Variants in TMEM255B observed in about 807,000 individuals in gnomAD.
TMEM255B encodes family with sequence similarity 70, member B.
In TMEM255B, 35 loss-of-function variants were observed where a neutral mutation model predicts 34.5. The ratio of observed to expected loss-of-function variants is 1.01; its 90% CI spans 0.77 to 1.34. The LOEUF (loss-of-function observed/expected upper bound fraction) is 1.34. TMEM255B is among the 40% of genes most tolerant of loss of function. The pLI is 0.00. For missense variants in TMEM255B, 432 were observed against 433.2 expected, an observed-to-expected ratio of 1.00 and a Z score of 0.02; for synonymous variants, 206 against 201.2, an observed-to-expected ratio of 1.02 and a Z score of -0.20.
intron 3 of TMEM255B, among the ~76,000 whole-genome samples, chr13:113,784,525 A>G (rs1039258391): frequency 1.3e-4 from 19 of 151,824 alleles, no homozygotes; most frequent in Non-Finnish European, 2.5e-4. Flanking sequence ...GAGAGAGAGA[A>G]GGATATGAAG....
At chr13:113,803,260 C>T (rs1439500398) in intron 7 of TMEM255B, 2 of 148,190 alleles carry the variant, frequency 1.3e-5, no homozygotes, top group Admixed American at 1.3e-4. Context: ...AAGTCTTCCT[C>T]GAACCCAAAG....
intron 3 of TMEM255B, among the ~76,000 whole-genome samples, chr13:113,783,829 C>T (rs949500293): frequency 2.0e-5 from 3 of 152,012 alleles, no homozygotes; most frequent in African/African-American, 7.3e-5. Context: ...GGGGGTTCAT[C>T]TGCAGGGTCA....
intron 3 of TMEM255B, among the ~76,000 whole-genome samples, chr13:113,781,850 C>T (rs1360613938): frequency 6.6e-6 from 1 of 152,182 alleles, no homozygotes; most frequent in Admixed American, 6.5e-5. Flanking sequence ...CCTAAACATC[C>T]CTGTCTTCAA....
At chr13:113,771,415 C>T (rs2050475861) in intron 3 of TMEM255B, among the ~76,000 whole-genome samples, 1 of 152,194 alleles carries the variant, frequency 6.6e-6, no homozygotes, top group African/African-American at 2.4e-5. Context: ...GACACGGTGG[C>T]TCATGCCTGT....
chr13:113,801,653 C>A lies in TMEM255B; in HGVS notation c.510C>A (p.Ser170Arg), dbSNP rs147473310. Residue 170 changes from serine (S) to arginine (R), a missense_variant and splice_region_variant, in exon 7 of 9, where the codon AGC becomes AGA. Physicochemically the swap from Ser to Arg is moderately radical, Grantham distance 110. Coordinates refer to ENST00000375353, the MANE Select transcript of TMEM255B (RefSeq NM_182614.4). The stretch of plus-strand genomic sequence containing the variant: ...ACGCCATGGTGCCCTCTCTGTGCAG[C>A]GCAGAGCCCTCGCCCGCCTACTATG... ...CYCCDLYACG[S>R]AEPSPAYYEF... 12 of 1,604,972 alleles carry A rather than the reference C, an allele frequency of 7.5e-6. No individual in the cohort carries two copies. The East Asian group carries it at 2.5e-4, about 33-fold the overall frequency.
rs1397598240 is a variant in TMEM255B at position 113,795,475 on chromosome 13, AACAGAGC to A, written c.342+249_342+255del. Among the ~76,000 whole-genome samples, 10 of 149,544 alleles carry A rather than the reference AACAGAGC, an allele frequency of 6.7e-5. No individual in the cohort carries two copies. The East Asian group carries it at 1.8e-3, about 27-fold the overall frequency. On this transcript the variant is annotated intron_variant, in intron 4 of 8. Transcript: ENST00000375353. ...ACACAGAGCACACAGCACACACCAC[AACAGAGC>A]ACAGAGCACACACACCACAACAGAG...
At chr13:113,779,314 G>T (rs779160082) in intron 3 of TMEM255B, among the ~76,000 whole-genome samples, 5 of 152,202 alleles carry the variant, frequency 3.3e-5, no homozygotes, top group South Asian at 2.1e-4. Flanking sequence ...TGAAAAGGAC[G>T]AGGGGTGATG....
intron 1 of TMEM255B, among the ~76,000 whole-genome samples, chr13:113,764,419 C>G (rs1594614550): frequency 6.6e-6 from 1 of 152,224 alleles, no homozygotes; most frequent in African/African-American, 2.4e-5. Flanking sequence ...GGATTGCTCC[C>G]TGGCCCGCAC....
intron 7 of TMEM255B, chr13:113,802,977 G>A (rs958039720): frequency 6.7e-6 from 1 of 148,330 alleles, no homozygotes; most frequent in African/African-American, 2.5e-5. Context: ...GGCGCCTTTG[G>A]CGTCTCCTCG....
intron 3 of TMEM255B, among the ~76,000 whole-genome samples, chr13:113,788,701 C>T (rs939020909): frequency 1.3e-5 from 2 of 152,082 alleles, no homozygotes; most frequent in African/African-American, 2.4e-5. Context: ...ACCGTGTGGC[C>T]GCCCTCCACC....
intron 5 of TMEM255B, among the ~76,000 whole-genome samples, chr13:113,800,528 C>G (rs1345144048): frequency 6.6e-6 from 1 of 152,102 alleles, no homozygotes; most frequent in Non-Finnish European, 1.5e-5. Context: ...TGTCCTTCTG[C>G]CCACGCACCC....
In TMEM255B at chr13:113,800,857, C is replaced by T. The variant is rs1276677815; in HGVS notation, c.454C>T (p.Gln152Ter). The change falls in exon 6 of 9, where the codon CAG becomes TAG. Residue 152 changes from glutamine (Q) to a stop codon, truncating the protein, a stop_gained. Transcript: ENST00000375353. LOFTEE classifies it high-confidence loss of function. ...VTCHSLDGKCQLKVRSNTCYC... is the reference protein window; with the variant it reads ...VTCHSLDGKC The stretch of plus-strand genomic sequence containing the variant: ...CTGTCACTCCCTGGACGGCAAGTGC[C>T]AGCTGAAGGTGAGAAGCAACACCTG... 2 of 1,610,582 alleles carry T rather than the reference C, an allele frequency of 1.2e-6. No individual in the cohort carries two copies. The highest frequency in any genetic ancestry group is 1.7e-5 in the Admixed American group (1 of 59,696).
At chr13:113,772,913 A>C (rs1325479398) in intron 3 of TMEM255B, among the ~76,000 whole-genome samples, 1 of 152,176 alleles carries the variant, frequency 6.6e-6, no homozygotes, top group Non-Finnish European at 1.5e-5. Context: ...GAATTTTAGA[A>C]TCAACTGGTC....
rs571306502 is a variant in TMEM255B, at chr13:113,766,007, A to G, written c.47-108A>G. 124 of 1,436,942 alleles carry G rather than the reference A, an allele frequency of 8.6e-5. 1 individual carries two copies. The South Asian group carries it at 1.4e-3, about 16-fold the overall frequency. 89.0% of individuals were successfully genotyped at this position (1,436,942 alleles called of 1,614,324 possible). On this transcript the variant is annotated intron_variant, in intron 1 of 8. Transcript: ENST00000375353. ...GGTGGGCCTGGAGGCAGGCGGGGAT[A>G]GTGCATCCCAGGACCCCTGGGTAAC... is the stretch of plus-strand genomic sequence containing the variant.
chr13:113,793,775 G>T (rs775464296), intron 3 of TMEM255B, among the ~76,000 whole-genome samples: 1 of 152,240 alleles, frequency 6.6e-6, no homozygotes, highest in Non-Finnish European at 1.5e-5. Context: ...CCGCAAAAGG[G>T]CTTGGCCAGC....
chr13:113,815,916 T>C lies in TMEM255B; in HGVS notation c.*4013T>C, dbSNP rs1297715328. On this transcript the variant is annotated 3_prime_UTR_variant, in exon 9 of 9. Coordinates refer to ENST00000375353, the MANE Select transcript of TMEM255B (RefSeq NM_182614.4). ...AGTGCTCAGGGAAGGACACCAGACA[T>C]GAAGACTGTGTTCTGTTTATATGCA... 1 of 154,430 alleles carries C rather than the reference T, an allele frequency of 6.5e-6. No individual in the cohort carries two copies. The highest frequency in any genetic ancestry group is 1.4e-5 in the Non-Finnish European group (1 of 69,350). The allele number at this position is 154,430 out of a possible 1,614,324, so 9.6% of individuals were successfully genotyped here.
At chr13:113,779,018 G>A (rs2050626496) in intron 3 of TMEM255B, among the ~76,000 whole-genome samples, 1 of 152,212 alleles carries the variant, frequency 6.6e-6, no homozygotes, top group Non-Finnish European at 1.5e-5. Flanking sequence ...CAGACTAAAG[G>A]TATTTAAGGA....
At position 113,805,034 on chromosome 13, in the gene TMEM255B, G is replaced by T; in HGVS notation, c.813+6G>T. ...CCTACCCTCTGCCCCTTCAGGTAGGGCCAGCATCACCTGCTGGAGTTGGAC... is the reference window on the plus strand; with the variant it reads ...CCTACCCTCTGCCCCTTCAGGTAGGTCCAGCATCACCTGCTGGAGTTGGAC... On this transcript the variant is annotated splice_donor_region_variant and intron_variant, in intron 8 of 8. Coordinates refer to ENST00000375353, the MANE Select transcript of TMEM255B (RefSeq NM_182614.4). 1 of 1,592,224 alleles carries T rather than the reference G, an allele frequency of 6.3e-7. No individual in the cohort carries two copies. Among genetic ancestry groups the T allele is most frequent in the South Asian group, 1.1e-5 (1 of 89,366 alleles).
At chr13:113,775,519 A>G (rs757028688) in intron 3 of TMEM255B, among the ~76,000 whole-genome samples, 3 of 152,232 alleles carry the variant, frequency 2.0e-5, no homozygotes, top group Non-Finnish European at 4.4e-5. Flanking sequence ...CGGTGAGGAC[A>G]CTGTGAGCTG....
Sources: allele counts gnomAD v4.1 joint callset (sites outside exome capture counted in the v4.1 genomes callset), GRCh38; gene constraint gnomAD v4.1.1; transcripts MANE v1.5; gene names NCBI Gene and HGNC (gene_info 2026-07-23, HGNC 2026-07-21).